The following HSD17B12 variants were observed in gnomAD, a reference collection of about 807,000 sequenced individuals.
The protein encoded by HSD17B12 is very-long-chain 3-oxoacyl-CoA reductase.
A neutral mutation model predicts 39.3 loss-of-function variants in HSD17B12; 32 were observed. The observed-to-expected ratio is 0.81, with a 90% CI of 0.61 to 1.09. The LOEUF is 1.09. Among genes scored for constraint, HSD17B12 ranks in the 50% least tolerant of loss-of-function variants. The pLI, the probability that HSD17B12 is intolerant of heterozygous loss-of-function variation, is 0.00. For synonymous variants in HSD17B12, 150 were observed against 146.7 expected, an observed-to-expected ratio of 1.02 and a Z score of -0.16; for missense variants, 342 against 382.9, an observed-to-expected ratio of 0.89 and a Z score of 0.89.
At chr11:43,664,144 C>T in the HSD17B12 span, among the ~76,000 whole-genome samples, 14 of 152,218 alleles carry the variant, frequency 9.2e-5, no homozygotes, top group Middle Eastern at 3.4e-3. Context: ...CCACTATGCC[C>T]GGCCCAGGTA....
chr11:43,822,044 G>A lies in HSD17B12; in HGVS notation c.501+5653G>A, dbSNP rs564428953. ...AAAACTGCTGCTGCACTTAGTGAAT[G>A]AGGTGGAAGCTAGACAATGGCCCTG... is the stretch of plus-strand genomic sequence containing the variant. On this transcript the variant is annotated intron_variant, in intron 6 of 10. Coordinates refer to ENST00000278353, the MANE Select transcript of HSD17B12 (RefSeq NM_016142.3). 2.0e-3 allele frequency among the ~76,000 whole-genome samples: 308 copies of A among 152,262 alleles called. 1 individual carries two copies. The highest frequency in any genetic ancestry group is 3.5e-3 in the Non-Finnish European group (235 of 68,018).
intron 7 of HSD17B12, among the ~76,000 whole-genome samples, chr11:43,837,473 C>G (rs562223337): frequency 3.5e-4 from 53 of 152,220 alleles, no homozygotes; most frequent in African/African-American, 1.2e-3. Context: ...TACACTTTAC[C>G]TAACCTATAC....
chr11:43,579,683 A>G, the HSD17B12 span, among the ~76,000 whole-genome samples: 2 of 152,058 alleles, frequency 1.3e-5, no homozygotes, highest in Middle Eastern at 3.4e-3. Flanking sequence ...GGGCGCGCAG[A>G]CGCTCGGAGG....
chr11:43,703,823 G>T (rs1324518745), intron 1 of HSD17B12, among the ~76,000 whole-genome samples: 2 of 151,304 alleles, frequency 1.3e-5, no homozygotes, highest in Admixed American at 1.3e-4. Flanking sequence ...CTGGCTAAAG[G>T]TTTATTAGTT....
the HSD17B12 span, among the ~76,000 whole-genome samples, chr11:43,574,587 G>A: frequency 6.6e-6 from 1 of 152,026 alleles, no homozygotes; most frequent in South Asian, 2.1e-4. Context: ...GCTGAGGTGT[G>A]GCATTTCTTC....
chr11:43,770,862 C>G (rs1483505212), intron 3 of HSD17B12, among the ~76,000 whole-genome samples: 1 of 152,178 alleles, frequency 6.6e-6, no homozygotes, highest in Admixed American at 6.5e-5. Context: ...ACGCATAGAA[C>G]ATTTTAGTAA....
intron 1 of HSD17B12, among the ~76,000 whole-genome samples, chr11:43,693,110 A>G (rs147551017): frequency 1.3e-5 from 2 of 152,342 alleles, no homozygotes; most frequent in Non-Finnish European, 2.9e-5. Flanking sequence ...AAAGGTAATG[A>G]CTTGCCCAAG....
chr11:43,845,337 A>G (rs1951465237), intron 9 of HSD17B12, among the ~76,000 whole-genome samples: 1 of 152,228 alleles, frequency 6.6e-6, no homozygotes, highest in Non-Finnish European at 1.5e-5. Flanking sequence ...CTCAGATTTA[A>G]CAGTGATACA....
the HSD17B12 span, among the ~76,000 whole-genome samples, chr11:43,597,131 G>A: frequency 6.6e-6 from 1 of 152,190 alleles, no homozygotes; most frequent in African/African-American, 2.4e-5. Flanking sequence ...TGAATTAAGT[G>A]CTAACTAGAG....
chr11:43,684,182 A>C (rs1949776180), intron 1 of HSD17B12, among the ~76,000 whole-genome samples: 1 of 152,226 alleles, frequency 6.6e-6, no homozygotes, highest in African/African-American at 2.4e-5. Context: ...TGTGTTCCCT[A>C]TACCCCTAGA....
Position 43,815,460 on chromosome 11 carries a change from G to C in HSD17B12, c.415G>C (p.Glu139Gln). Residue 139 changes from glutamate (E) to glutamine (Q), a missense_variant, in exon 5 of 11, where the codon GAG (glutamate) becomes CAG (glutamine). Transcript: ENST00000278353. ...ILVNNVGMSY[E>Q]YPEYFLDVPD... ...AGTGAACAACGTGGGAATGTCGTAT[G>C]AGTATCCTGAATACTTTTTGGATGT... 1 of 1,579,356 alleles carries C rather than the reference G, an allele frequency of 6.3e-7. No individual in the cohort carries two copies. The highest frequency in any genetic ancestry group is 2.3e-5 in the East Asian group (1 of 44,436).
chr11:43,640,560 T>G, the HSD17B12 span, among the ~76,000 whole-genome samples: 1 of 152,060 alleles, frequency 6.6e-6, no homozygotes, highest in Non-Finnish European at 1.5e-5. Context: ...AGGGTTTAGG[T>G]TTTTTTCTTT....
At chr11:43,841,056 T>C (rs1471159905) in intron 9 of HSD17B12, among the ~76,000 whole-genome samples, 1 of 152,226 alleles carries the variant, frequency 6.6e-6, no homozygotes, top group Non-Finnish European at 1.5e-5. Flanking sequence ...TGTTTGTTTT[T>C]TATAATAGCC....
the HSD17B12 span, among the ~76,000 whole-genome samples, chr11:43,658,019 A>G: frequency 6.6e-6 from 1 of 152,162 alleles, no homozygotes; most frequent in African/African-American, 2.4e-5. Flanking sequence ...TCTCCCCGTC[A>G]CTTTCAGGTA....
intron 3 of HSD17B12, among the ~76,000 whole-genome samples, chr11:43,774,131 T>G (rs1489043392): frequency 6.6e-6 from 1 of 152,200 alleles, no homozygotes; most frequent in African/African-American, 2.4e-5. Context: ...GTTACTACGC[T>G]GTAGGGCAAG....
chr11:43,601,667 T>A, the HSD17B12 span, among the ~76,000 whole-genome samples: 6 of 152,208 alleles, frequency 3.9e-5, no homozygotes, highest in Admixed American at 3.9e-4. Flanking sequence ...ACAGACACCC[T>A]CTGGCTTCAG....
In HSD17B12 at chr11:43,855,292, T is replaced by C. The variant is rs2135154919; in HGVS notation, c.*44T>C. 1 of 1,241,098 alleles carries C rather than the reference T, an allele frequency of 8.1e-7. No individual in the cohort carries two copies. Among genetic ancestry groups the C allele is most frequent in the East Asian group, 2.4e-5 (1 of 41,968 alleles). The allele number at this position is 1,241,098 out of a possible 1,614,324, so 76.9% of individuals were successfully genotyped here. On this transcript the variant is annotated 3_prime_UTR_variant, in exon 11 of 11. Coordinates refer to ENST00000278353, the MANE Select transcript of HSD17B12 (RefSeq NM_016142.3). ...TAACTTGGCCAGATGCTCCAGCATA[T>C]GCACGTTCACTGCAAAGCACCCTAC...
At chr11:43,584,628 G>T in the HSD17B12 span, 1 of 152,410 alleles carries the variant, frequency 6.6e-6, no homozygotes, top group Non-Finnish European at 1.5e-5. Flanking sequence ...AGTTCTCAAA[G>T]GCCACAGGTG....
chr11:43,583,638 C>T, the HSD17B12 span, among the ~76,000 whole-genome samples: 1 of 152,022 alleles, frequency 6.6e-6, no homozygotes, highest in Non-Finnish European at 1.5e-5. Flanking sequence ...CTGATCTCTC[C>T]CTCTCTACCC....
Sources: allele counts gnomAD v4.1 joint callset (sites outside exome capture counted in the v4.1 genomes callset), GRCh38; gene constraint gnomAD v4.1.1; transcripts MANE v1.5; gene names NCBI Gene and HGNC (gene_info 2026-07-23, HGNC 2026-07-21).